PCDH11Y: variants seen among roughly 807,000 people sequenced by gnomAD.
The protein encoded by PCDH11Y is protocadherin-11 Y-linked.
For synonymous variants in PCDH11Y, 9 were observed against 83.6 expected, an observed-to-expected ratio of 0.11 and a Z score of 4.87; for missense variants, 12 against 224.8, an observed-to-expected ratio of 0.05 and a Z score of 6.05.
At chrY:5,330,094 G>A in intron 2 of PCDH11Y, among the ~76,000 whole-genome samples, 3 of 33,059 alleles carry the variant, frequency 9.1e-5, no homozygotes, top group Admixed American at 5.5e-4. Flanking sequence ...AAGGGAGATA[G>A]GGGTGGGGCC....
intron 1 of PCDH11Y, among the ~76,000 whole-genome samples, chrY:5,068,012 C>CA (rs144932625): frequency 6.5e-3 from 14 of 2,156 alleles, no homozygotes; most frequent in Admixed American, 0.011. Context: ...GACTCCATCT[C>CA]AAAAAAAAAA....
intron 4 of PCDH11Y, among the ~76,000 whole-genome samples, chrY:5,672,391 G>A: frequency 3.2e-5 from 1 of 31,023 alleles, no homozygotes; most frequent in Non-Finnish European, 7.8e-5. Context: ...CGTTGAAGTC[G>A]TCGGGTCTCG....
intron 3 of PCDH11Y, among the ~76,000 whole-genome samples, chrY:5,529,695 T>TA (rs2053391041): frequency 6.5e-5 from 2 of 30,702 alleles, no homozygotes; most frequent in Non-Finnish European, 1.6e-4. Context: ...CACATGTTTA[T>TA]AAAAAAAAAA....
exon 5 of PCDH11Y, chrY:5,741,010 T>C: frequency 9.0e-5 from 2 of 22,324 alleles, no homozygotes; most frequent in Non-Finnish European, 2.0e-4. Flanking sequence ...ACACATTCTT[T>C]TCTTAAACTT....
intron 2 of PCDH11Y, among the ~76,000 whole-genome samples, chrY:5,293,261 C>T: frequency 3.2e-5 from 1 of 31,180 alleles, no homozygotes; most frequent in Admixed American, 3.0e-4. Context: ...TCCCAAGTAG[C>T]TGGGATTACA....
intron 2 of PCDH11Y, among the ~76,000 whole-genome samples, chrY:5,274,604 C>T (rs2053041954): frequency 1.2e-3 from 40 of 34,185 alleles, no homozygotes; most frequent in African/African-American, 4.1e-3. Flanking sequence ...CTCGGGCTCC[C>T]AAGGTGCTGG....
intron 1 of PCDH11Y, among the ~76,000 whole-genome samples, chrY:5,080,195 C>T: frequency 1.6e-4 from 5 of 31,791 alleles, no homozygotes; most frequent in Non-Finnish European, 3.8e-4. Context: ...TCAGCCTGGA[C>T]TTTATTGTCC....
chrY:5,108,697 A>C, downstream of PCDH11Y, among the ~76,000 whole-genome samples: 1 of 24,171 alleles, frequency 4.1e-5, no homozygotes, highest in African/African-American at 1.7e-4. Context: ...CAGTGAGCCG[A>C]GATGGCGCCA....
At chrY:5,506,370 A>G in intron 3 of PCDH11Y, among the ~76,000 whole-genome samples, 1 of 32,994 alleles carries the variant, frequency 3.0e-5, no homozygotes, top group East Asian at 7.9e-4. Flanking sequence ...ATTTGACTCC[A>G]TAGGCTTTCT....
intron 4 of PCDH11Y, among the ~76,000 whole-genome samples, chrY:5,684,659 G>A: frequency 2.9e-5 from 1 of 34,041 alleles, no homozygotes; most frequent in African/African-American, 1.1e-4. Context: ...TAAAGAATGA[G>A]ATCCAATCAT....
At chrY:5,424,508 T>G in intron 2 of PCDH11Y, among the ~76,000 whole-genome samples, 1 of 33,747 alleles carries the variant, frequency 3.0e-5, no homozygotes. Context: ...CTGTTCTGGT[T>G]GAAATGCAGA....
At chrY:5,637,372 C>T in intron 4 of PCDH11Y, among the ~76,000 whole-genome samples, 1 of 33,589 alleles carries the variant, frequency 3.0e-5, no homozygotes, top group Non-Finnish European at 7.4e-5. Flanking sequence ...TTTAACTGAA[C>T]TTTTATCTTG....
At chrY:5,248,144 A>C (rs2052999394) in intron 2 of PCDH11Y, among the ~76,000 whole-genome samples, 1 of 30,052 alleles carries the variant, frequency 3.3e-5, no homozygotes, top group Non-Finnish European at 7.9e-5. Flanking sequence ...ATTCTACCAG[A>C]GTTACAAAGA....
chrY:5,281,532 C>G (rs2124660795), intron 2 of PCDH11Y, among the ~76,000 whole-genome samples: 1 of 31,078 alleles, frequency 3.2e-5, no homozygotes, highest in East Asian at 8.4e-4. Flanking sequence ...AATTTGTGAC[C>G]TAACTCTTCA....
chrY:5,234,325 C>T, intron 2 of PCDH11Y, among the ~76,000 whole-genome samples: 1 of 24,191 alleles, frequency 4.1e-5, no homozygotes, highest in Non-Finnish European at 9.2e-5. Context: ...CTCACTACAA[C>T]CTCCGCCTCC....
intron 2 of PCDH11Y, among the ~76,000 whole-genome samples, chrY:5,247,765 C>T: frequency 3.3e-5 from 1 of 30,491 alleles, no homozygotes; most frequent in Non-Finnish European, 7.9e-5. Flanking sequence ...CACAACAATC[C>T]CTCCAAAACA....
At chrY:5,441,226 A>G (rs2053281912) in intron 2 of PCDH11Y, among the ~76,000 whole-genome samples, 3 of 32,922 alleles carry the variant, frequency 9.1e-5, no homozygotes, top group African/African-American at 3.5e-4. Context: ...AAAGAGATTA[A>G]TATTAGACCT....
chrY:5,573,895 G>A, intron 3 of PCDH11Y: 1 of 214,151 alleles, frequency 4.7e-6, no homozygotes, highest in Non-Finnish European at 8.3e-6. Flanking sequence ...GCAGACATCC[G>A]GGCCCAATAT....
At chrY:5,139,462 C>A in intron 2 of PCDH11Y, among the ~76,000 whole-genome samples, 1 of 31,467 alleles carries the variant, frequency 3.2e-5, no homozygotes, top group South Asian at 7.2e-4. Context: ...TCGCTGTTCA[C>A]TGATGATATT....
Sources: allele counts gnomAD v4.1 joint callset (sites outside exome capture counted in the v4.1 genomes callset), GRCh38; gene constraint gnomAD v4.1.1; transcripts MANE v1.5; gene names NCBI Gene and HGNC (gene_info 2026-07-23, HGNC 2026-07-21).